The following ADAMTS18 variants were observed in gnomAD, a reference collection of about 807,000 sequenced individuals.
ADAMTS18 encodes the protein ADAM metallopeptidase with thrombospondin type 1 motif 18.
A neutral mutation model predicts 165.9 loss-of-function variants in ADAMTS18; 157 were observed. That is an observed-to-expected ratio of 0.95 (90% CI 0.83 to 1.08). The LOEUF (loss-of-function observed/expected upper bound fraction) is 1.08, where lower values mean the gene tolerates loss of function less well. ADAMTS18 is among the 50% of genes least tolerant of loss of function. The probability of loss-of-function intolerance (pLI) is 0.00; values close to 1 mark genes in which losing one functional copy is unlikely to be tolerated. For missense variants in ADAMTS18, 2,040 were observed against 1,534.0 expected (o/e 1.33, Z -5.51); for synonymous variants, 782 against 578.2 (o/e 1.35, Z -5.06).
At chr16:77,364,811 G>T (rs1042212084) in intron 4 of ADAMTS18, among the ~76,000 whole-genome samples, 7 of 151,814 alleles carry the variant, frequency 4.6e-5, no homozygotes, top group African/African-American at 1.5e-4. Flanking sequence ...GAAAAGAAGA[G>T]AAAAGAGCTC....
At chr16:77,344,145 A>ATG (rs936023847) in intron 10 of ADAMTS18, among the ~76,000 whole-genome samples, 97 of 134,174 alleles carry the variant, frequency 7.2e-4, no homozygotes, top group African/African-American at 1.7e-3. Flanking sequence ...ATATATATGT[A>ATG]TGTGTGTGTG....
intron 16 of ADAMTS18, among the ~76,000 whole-genome samples, chr16:77,304,821 A>G (rs962772524): frequency 5.3e-5 from 8 of 152,226 alleles, no homozygotes; most frequent in African/African-American, 1.7e-4. Context: ...GTGTGTTACT[A>G]TTACAGTTTT....
intron 3 of ADAMTS18, among the ~76,000 whole-genome samples, chr16:77,395,377 A>G (rs1188844476): frequency 1.3e-5 from 2 of 152,134 alleles, no homozygotes; most frequent in Admixed American, 1.3e-4. Context: ...CCATCATGGT[A>G]GCCTCATTGG....
At chr16:77,379,963 C>A (rs1374930698) in intron 3 of ADAMTS18, among the ~76,000 whole-genome samples, 1 of 152,192 alleles carries the variant, frequency 6.6e-6, no homozygotes, top group Non-Finnish European at 1.5e-5. Flanking sequence ...TCTTGGCATG[C>A]AGTGTCTATG....
intron 4 of ADAMTS18, among the ~76,000 whole-genome samples, chr16:77,366,023 T>A (rs544733811): frequency 1.3e-5 from 2 of 152,340 alleles, no homozygotes; most frequent in South Asian, 4.1e-4. Flanking sequence ...ACTCTATATA[T>A]GCTAAATGGA....
chr16:77,304,402 A>G (rs1191715993), intron 16 of ADAMTS18, among the ~76,000 whole-genome samples: 1 of 152,216 alleles, frequency 6.6e-6, no homozygotes, highest in Non-Finnish European at 1.5e-5. Context: ...TGGAAGCTGC[A>G]GTGAGCTATA....
intron 3 of ADAMTS18, among the ~76,000 whole-genome samples, chr16:77,383,839 C>T (rs2057068237): frequency 6.6e-6 from 1 of 152,098 alleles, no homozygotes; most frequent in Non-Finnish European, 1.5e-5. Context: ...CCGTGCCTGG[C>T]CCAAAAAGCT....
intron 10 of ADAMTS18, among the ~76,000 whole-genome samples, chr16:77,345,428 T>C (rs569702256): frequency 6.6e-6 from 1 of 152,300 alleles, no homozygotes; most frequent in East Asian, 1.9e-4. Flanking sequence ...GATCATGAAA[T>C]CATATTGGCT....
chr16:77,364,123 G>C (rs1337254703), intron 5 of ADAMTS18, 65 bp downstream of exon 5: 46 of 1,598,890 alleles, frequency 2.9e-5, no homozygotes, highest in Non-Finnish European at 3.8e-5. Flanking sequence ...TTCAACCCAT[G>C]CAAGAGAATT....
chr16:77,365,732 C>T (rs1397570536), intron 4 of ADAMTS18, among the ~76,000 whole-genome samples: 2 of 152,156 alleles, frequency 1.3e-5, no homozygotes, highest in East Asian at 3.8e-4. Context: ...TGTGTACTAA[C>T]TAGTACAGAA....
At chr16:77,371,525 G>C (rs1053783289) in intron 3 of ADAMTS18, among the ~76,000 whole-genome samples, 1 of 152,096 alleles carries the variant, frequency 6.6e-6, no homozygotes, top group Non-Finnish European at 1.5e-5. Flanking sequence ...AAACACAGTG[G>C]GGAAAGGACA....
chr16:77,411,677 ATTTTTTTTTTTTT>A (rs34453966), intron 3 of ADAMTS18, among the ~76,000 whole-genome samples: 9 of 73,902 alleles, frequency 1.2e-4, no homozygotes, highest in African/African-American at 2.7e-4. Flanking sequence ...AGTATCCAGA[ATTTTTTTTTTTTT>A]TTTTTTTTTT....
intron 10 of ADAMTS18, among the ~76,000 whole-genome samples, chr16:77,351,393 T>C (rs1428209112): frequency 1.3e-5 from 2 of 152,210 alleles, no homozygotes; most frequent in Non-Finnish European, 2.9e-5. Context: ...TTTAAAAATA[T>C]AGTGAGGTCC....
At chr16:77,355,427 C>G (rs1477936214) in intron 9 of ADAMTS18, among the ~76,000 whole-genome samples, 3 of 152,150 alleles carry the variant, frequency 2.0e-5, no homozygotes, top group East Asian at 1.9e-4. Context: ...AGAAAATGCT[C>G]TATTCATTAA....
At chr16:77,337,536 G>A (rs148618846) in intron 11 of ADAMTS18, among the ~76,000 whole-genome samples, 1 of 152,192 alleles carries the variant, frequency 6.6e-6, no homozygotes, top group Non-Finnish European at 1.5e-5. Flanking sequence ...AACTATGCAA[G>A]TATAAGAGAC....
chr16:77,319,364 G>A (rs549636956), intron 16 of ADAMTS18, among the ~76,000 whole-genome samples: 35 of 152,234 alleles, frequency 2.3e-4, no homozygotes, highest in Admixed American at 3.9e-4. Context: ...GGCCATTTGG[G>A]TTCCTGTCCT....
At chr16:77,420,367 A>T (rs1032587965) in intron 3 of ADAMTS18, among the ~76,000 whole-genome samples, 2 of 152,130 alleles carry the variant, frequency 1.3e-5, no homozygotes, top group African/African-American at 4.8e-5. Context: ...AGGGTTTCTC[A>T]AACTCAACTG....
intron 13 of ADAMTS18, among the ~76,000 whole-genome samples, chr16:77,325,290 CTAA>C (rs1340656824): frequency 6.6e-6 from 1 of 152,148 alleles, no homozygotes; most frequent in Non-Finnish European, 1.5e-5. Context: ...TCTGCTGTAA[CTAA>C]TGTTTTATTA....
chr16:77,373,503 G>C (rs1488088110), intron 3 of ADAMTS18, among the ~76,000 whole-genome samples: 2 of 151,262 alleles, frequency 1.3e-5, no homozygotes, highest in Non-Finnish European at 2.9e-5. Context: ...AGAAAAAAAA[G>C]TTATCCTCTC....
Sources: gnomAD v4.1 joint callset for allele counts (sites outside exome capture counted in the v4.1 genomes callset) on GRCh38, gnomAD v4.1.1 for gene constraint, MANE v1.5 for transcripts, NCBI Gene and HGNC (gene_info 2026-07-23, HGNC 2026-07-21) for gene names.